Variants in SHTN1 observed in about 807,000 individuals in gnomAD.
SHTN1 encodes the protein shootin-1.
A neutral mutation model predicts 83.1 loss-of-function variants in SHTN1; 42 were observed. That is an observed-to-expected ratio of 0.51 (90% CI 0.39 to 0.65). The LOEUF (loss-of-function observed/expected upper bound fraction) is 0.65, where lower values mean the gene tolerates loss of function less well. SHTN1 is among the 30% of genes least tolerant of loss of function. The probability of loss-of-function intolerance (pLI) is 0.00; values close to 1 mark genes in which losing one functional copy is unlikely to be tolerated. For synonymous variants in SHTN1, 224 were observed against 247.7 expected (o/e 0.90, Z 0.90); for missense variants, 622 against 737.8 (o/e 0.84, Z 1.82).
chr10:116,910,505 C>T (rs1270961830), intron 14 of SHTN1, among the ~76,000 whole-genome samples: 1 of 152,162 alleles, frequency 6.6e-6, no homozygotes, highest in Non-Finnish European at 1.5e-5. Flanking sequence ...TGCTACCATG[C>T]AGCATTCTCA....
At chr10:117,060,812 T>C (rs1852888308) in intron 1 of SHTN1, among the ~76,000 whole-genome samples, 1 of 152,196 alleles carries the variant, frequency 6.6e-6, no homozygotes, top group South Asian at 2.1e-4. Context: ...AGAAAACTTG[T>C]GGTATTTTAA....
chr10:117,084,610 G>A (rs1439318677), intron 1 of SHTN1, among the ~76,000 whole-genome samples: 1 of 152,222 alleles, frequency 6.6e-6, no homozygotes, highest in African/African-American at 2.4e-5. Context: ...GCAAGCCTGG[G>A]CAATGGTGGG....
intron 6 of SHTN1, 34 bp from the exon 7 acceptor site, chr10:116,949,031 C>G: frequency 1.3e-6 from 2 of 1,485,996 alleles, no homozygotes; most frequent in South Asian, 1.4e-5. Flanking sequence ...GAGAAAACAC[C>G]AAAAATTGTA....
At chr10:116,955,100 C>CAAAAAA (rs59777387) in intron 4 of SHTN1, among the ~76,000 whole-genome samples, 3 of 87,754 alleles carry the variant, frequency 3.4e-5, no homozygotes, top group Non-Finnish European at 5.1e-5. Flanking sequence ...TACTTCACAG[C>CAAAAAA]AAAAAAAAAA....
intron 2 of SHTN1, among the ~76,000 whole-genome samples, chr10:116,970,943 G>A (rs368357538): frequency 1.8e-4 from 28 of 152,268 alleles, no homozygotes; most frequent in Middle Eastern, 3.4e-3. Context: ...ACTTTCAGTT[G>A]TATTTGCTGC....
chr10:117,051,998 T>TAATATATATATATATATATATA (rs1852748066), intron 1 of SHTN1, among the ~76,000 whole-genome samples: 4 of 5,966 alleles, frequency 6.7e-4, no homozygotes, highest in Non-Finnish European at 2.9e-3. Flanking sequence ...AATGACATAA[T>TAATATATATATATATATATATA]CATATATATA....
At chr10:116,979,339 C>T (rs1320232756) in intron 1 of SHTN1, 31 bp from the exon 2 acceptor site, 1 of 1,600,352 alleles carries the variant, frequency 6.2e-7, no homozygotes, top group East Asian at 2.2e-5. Flanking sequence ...AACATTACAA[C>T]ACTGTCAAAA....
At chr10:117,108,173 T>A (rs555382980) in intron 1 of SHTN1, among the ~76,000 whole-genome samples, 2 of 152,184 alleles carry the variant, frequency 1.3e-5, no homozygotes, top group East Asian at 3.9e-4. Context: ...AAGGACATAT[T>A]AACTACCATT....
chr10:117,008,356 G>A (rs1852052369), upstream of SHTN1, among the ~76,000 whole-genome samples: 2 of 151,972 alleles, frequency 1.3e-5, no homozygotes, highest in Admixed American at 1.3e-4. Context: ...GAGGTATACA[G>A]ATAAATAAGA....
At chr10:116,950,356 A>C (rs1329596655) in intron 6 of SHTN1, among the ~76,000 whole-genome samples, 1 of 151,960 alleles carries the variant, frequency 6.6e-6, no homozygotes, top group East Asian at 1.9e-4. Context: ...TTTTTGAGAG[A>C]CGAGGTCTTG....
At chr10:116,918,786 T>A (rs1288050375) in intron 12 of SHTN1, among the ~76,000 whole-genome samples, 2 of 152,182 alleles carry the variant, frequency 1.3e-5, no homozygotes, top group African/African-American at 2.4e-5. Context: ...TTCTACAGAT[T>A]AGCAAATCAA....
intron 1 of SHTN1, among the ~76,000 whole-genome samples, chr10:117,102,676 T>C (rs1210863555): frequency 6.6e-6 from 1 of 151,620 alleles, no homozygotes; most frequent in Non-Finnish European, 1.5e-5. Flanking sequence ...TTCTTAAGAG[T>C]CCAAGCAGGA....
At chr10:117,097,024 CACAT>C (rs1209163577) in intron 1 of SHTN1, among the ~76,000 whole-genome samples, 19 of 121,442 alleles carry the variant, frequency 1.6e-4, no homozygotes, top group Non-Finnish European at 3.1e-4. Flanking sequence ...CACACACACA[CACAT>C]AGACACACAC....
At chr10:116,946,329 C>A (rs1849575798) in intron 7 of SHTN1, among the ~76,000 whole-genome samples, 1 of 147,228 alleles carries the variant, frequency 6.8e-6, no homozygotes, top group East Asian at 2.0e-4. Flanking sequence ...AGATTTTTTT[C>A]TTTCCTTACA....
chr10:117,084,173 G>GT (rs1394131978), intron 1 of SHTN1, among the ~76,000 whole-genome samples: 10 of 152,012 alleles, frequency 6.6e-5, no homozygotes, highest in Non-Finnish European at 1.5e-4. Flanking sequence ...CATCTTTGTG[G>GT]TTTTATCTAC....
At chr10:116,894,546 T>A (rs1847446093) in intron 16 of SHTN1, among the ~76,000 whole-genome samples, 1 of 152,316 alleles carries the variant, frequency 6.6e-6, no homozygotes, top group Non-Finnish European at 1.5e-5. Flanking sequence ...GGCAATTAAT[T>A]GTGGCTTAAA....
intron 14 of SHTN1, chr10:116,911,558 T>G: frequency 6.4e-7 from 1 of 1,550,694 alleles, no homozygotes; most frequent in Non-Finnish European, 8.7e-7. Context: ...AACAATGACT[T>G]TGGTGAAAGT....
At chr10:116,951,203 A>G (rs1475500364) in intron 6 of SHTN1, among the ~76,000 whole-genome samples, 1 of 152,202 alleles carries the variant, frequency 6.6e-6, no homozygotes, top group Non-Finnish European at 1.5e-5. Context: ...TGGGAAGATC[A>G]TTCAAGTCCA....
intron 1 of SHTN1, among the ~76,000 whole-genome samples, chr10:117,077,260 T>C (rs960762882): frequency 2.0e-5 from 3 of 152,198 alleles, no homozygotes; most frequent in African/African-American, 7.2e-5. Flanking sequence ...CTCACAAGTT[T>C]GCATTTTGAC....
Sources: allele counts gnomAD v4.1 joint callset (sites outside exome capture counted in the v4.1 genomes callset), GRCh38; gene constraint gnomAD v4.1.1; transcripts MANE v1.5; gene names NCBI Gene and HGNC (gene_info 2026-07-23, HGNC 2026-07-21).